The following HS6ST3 variants were observed in gnomAD, a reference collection of about 807,000 sequenced individuals.
HS6ST3 encodes heparan sulfate 6-O-sulfotransferase 3, also known as heparan-sulfate 6-O-sulfotransferase 3.
Under a neutral mutation model 36.7 loss-of-function variants are expected in HS6ST3, and 12 were observed. The ratio of observed to expected loss-of-function variants is 0.33; its 90% CI spans 0.21 to 0.53. The LOEUF (loss-of-function observed/expected upper bound fraction) is 0.53, where lower values mean the gene tolerates loss of function less well. HS6ST3 is among the 20% of genes least tolerant of loss of function. The probability of loss-of-function intolerance (pLI) is 0.95; values close to 1 mark genes in which losing one functional copy is unlikely to be tolerated. For missense variants in HS6ST3, 584 were observed against 640.9 expected (o/e 0.91, Z 0.96); for synonymous variants, 240 against 257.5 (o/e 0.93, Z 0.65).
At chr13:96,261,258 G>A (rs1417957445) in intron 1 of HS6ST3, among the ~76,000 whole-genome samples, 2 of 150,054 alleles carry the variant, frequency 1.3e-5, no homozygotes, top group African/African-American at 4.9e-5. Context: ...TTAAAGTCAT[G>A]AATATATATA....
intron 1 of HS6ST3, among the ~76,000 whole-genome samples, chr13:96,511,038 A>G (rs1240160260): frequency 1.3e-5 from 2 of 152,126 alleles, no homozygotes; most frequent in African/African-American, 2.4e-5. Context: ...TGGAAACTGA[A>G]AAGGGCCTAT....
intron 1 of HS6ST3, among the ~76,000 whole-genome samples, chr13:96,750,326 T>G (rs1236286320): frequency 1.3e-5 from 2 of 152,220 alleles, no homozygotes; most frequent in Non-Finnish European, 2.9e-5. Context: ...AACGTGATAT[T>G]ACATGTGGCA....
At chr13:96,351,773 G>T (rs1055960100) in intron 1 of HS6ST3, among the ~76,000 whole-genome samples, 2 of 152,156 alleles carry the variant, frequency 1.3e-5, no homozygotes, top group Non-Finnish European at 2.9e-5. Context: ...GCTATAAAAT[G>T]GAAAATAGAA....
At chr13:96,268,523 G>T (rs1204311127) in intron 1 of HS6ST3, among the ~76,000 whole-genome samples, 1 of 151,870 alleles carries the variant, frequency 6.6e-6, no homozygotes, top group African/African-American at 2.4e-5. Context: ...GGGGACTACA[G>T]TTCAAGATGA....
intron 1 of HS6ST3, among the ~76,000 whole-genome samples, chr13:96,234,760 G>T (rs940762340): frequency 6.6e-6 from 1 of 152,102 alleles, no homozygotes; most frequent in Non-Finnish European, 1.5e-5. Context: ...TGAGTTTTGG[G>T]TGGGGACACA....
At chr13:96,325,013 C>T (rs998443384) in intron 1 of HS6ST3, among the ~76,000 whole-genome samples, 12 of 152,116 alleles carry the variant, frequency 7.9e-5, no homozygotes, top group South Asian at 2.1e-4. Context: ...TTGTTTAAAT[C>T]GCAGAGCTTT....
At chr13:96,401,999 TG>T (rs1296902482) in intron 1 of HS6ST3, among the ~76,000 whole-genome samples, 4 of 152,182 alleles carry the variant, frequency 2.6e-5, no homozygotes, top group Non-Finnish European at 4.4e-5. Context: ...TTTGAGATGA[TG>T]TCTCACTACA....
chr13:96,543,519 G>A (rs2056186152), intron 1 of HS6ST3, among the ~76,000 whole-genome samples: 1 of 152,046 alleles, frequency 6.6e-6, no homozygotes, highest in Admixed American at 6.5e-5. Context: ...GAATCTTCAG[G>A]GATATAAAAG....
At chr13:96,129,760 C>T (rs2053967492) in intron 1 of HS6ST3, among the ~76,000 whole-genome samples, 2 of 152,076 alleles carry the variant, frequency 1.3e-5, no homozygotes, top group Non-Finnish European at 2.9e-5. Context: ...TTAGGCTGGA[C>T]CTGAATCCAG....
At chr13:96,446,856 C>T (rs1403440515) in intron 1 of HS6ST3, among the ~76,000 whole-genome samples, 2 of 152,292 alleles carry the variant, frequency 1.3e-5, no homozygotes, top group South Asian at 2.1e-4. Context: ...AAATGTGGCC[C>T]TTCTCCTGAG....
chr13:96,822,177 G>C (rs941252252), intron 1 of HS6ST3, among the ~76,000 whole-genome samples: 1 of 152,194 alleles, frequency 6.6e-6, no homozygotes, highest in Admixed American at 6.5e-5. Flanking sequence ...CTGCCAGTGA[G>C]ACTGAATTGG....
intron 1 of HS6ST3, among the ~76,000 whole-genome samples, chr13:96,800,982 C>T (rs1258757744): frequency 6.6e-6 from 1 of 152,154 alleles, no homozygotes; most frequent in African/African-American, 2.4e-5. Flanking sequence ...CTCAGCCATC[C>T]TTTAATTCTC....
At chr13:96,783,236 G>T (rs1437295196) in intron 1 of HS6ST3, among the ~76,000 whole-genome samples, 2 of 152,118 alleles carry the variant, frequency 1.3e-5, no homozygotes. Flanking sequence ...GAATACAACA[G>T]CTATGACTAA....
Position 96,090,973 on chromosome 13 carries a change from C to G in HS6ST3, c.111C>G (p.Phe37Leu), listed in dbSNP as rs774156626. The G allele has an allele frequency of 7.1e-7, 1 of 1,405,382 alleles. No homozygotes were observed. Among genetic ancestry groups the G allele is most frequent in the Non-Finnish European group, 9.4e-7 (1 of 1,068,842 alleles). 87.1% of individuals were successfully genotyped at this position (1,405,382 alleles called of 1,614,324 possible). A position where few individuals can be genotyped will look rare whatever the true frequency, so the allele number is the denominator to read the frequency against. The stretch of plus-strand genomic sequence containing the variant: ...CCTGCACCAGCTCCTGCACCAACTT[C>G]GGGGAGCAGCCCCGCGCGGGGGAGG... ...SPSCTSSCTN[F>L]GEQPRAGEAG... is the part of the protein sequence containing the mutation. Residue 37 changes from phenylalanine (F) to leucine (L), a missense_variant, in exon 1 of 2, where the codon TTC (phenylalanine) becomes TTG (leucine). Around this residue, in one of 3 missense-constraint regions of HS6ST3, gnomAD observed 217 missense variants for 205.4 expected, o/e 1.06. Transcript: ENST00000376705.
intron 1 of HS6ST3, among the ~76,000 whole-genome samples, chr13:96,603,862 C>G (rs886731762): frequency 2.8e-4 from 42 of 152,080 alleles, no homozygotes; most frequent in African/African-American, 9.9e-4. Flanking sequence ...GAAATTTTAC[C>G]CATGTGTCTA....
intron 1 of HS6ST3, among the ~76,000 whole-genome samples, chr13:96,304,741 C>T (rs1305758286): frequency 7.4e-5 from 4 of 53,766 alleles, no homozygotes; most frequent in African/African-American, 3.2e-4. Context: ...TACAGAATCT[C>T]GCTCTGTCAC....
chr13:96,642,935 G>C (rs186487056), intron 1 of HS6ST3, among the ~76,000 whole-genome samples: 22 of 151,878 alleles, frequency 1.4e-4, no homozygotes, highest in Non-Finnish European at 2.8e-4. Context: ...TTTTTCCCCT[G>C]TGTTTAGGCT....
chr13:96,291,870 G>A (rs893779214), intron 1 of HS6ST3, among the ~76,000 whole-genome samples: 2 of 152,004 alleles, frequency 1.3e-5, no homozygotes, highest in African/African-American at 4.8e-5. Flanking sequence ...ATTGTTTTTT[G>A]GACAAAAAGT....
At chr13:96,611,597 A>G (rs557812926) in intron 1 of HS6ST3, among the ~76,000 whole-genome samples, 2 of 152,348 alleles carry the variant, frequency 1.3e-5, no homozygotes, top group South Asian at 4.1e-4. Flanking sequence ...ACAAGAATAC[A>G]AAGCCCAAAG....
Sources: allele counts gnomAD v4.1 joint callset (sites outside exome capture counted in the v4.1 genomes callset), GRCh38; gene constraint gnomAD v4.1.1; regional missense constraint gnomAD v4.1.1; transcripts MANE v1.5; gene names NCBI Gene and HGNC (gene_info 2026-07-23, HGNC 2026-07-21).